The following OSER1 variants were observed in gnomAD, a reference collection of about 807,000 sequenced individuals.
The protein encoded by OSER1 is oxidative stress-responsive serine-rich protein 1.
Under a neutral mutation model 26.3 loss-of-function variants are expected in OSER1, and 15 were observed. The observed-to-expected ratio is 0.57, with a 90% confidence interval of 0.38 to 0.88. OSER1 has a LOEUF of 0.88. Among genes scored for constraint, OSER1 ranks in the 40% least tolerant of loss-of-function variants. OSER1 has a pLI of 0.00. For missense variants in OSER1, 313 were observed against 353.9 expected, an observed-to-expected ratio of 0.88 and a Z score of 0.93; for synonymous variants, 127 against 128.2, an observed-to-expected ratio of 0.99 and a Z score of 0.07.
chr20:44,197,286 A>G lies in OSER1; in HGVS notation c.645T>C (p.Tyr215=). Residue 215 remains tyrosine (Y), a synonymous_variant, in exon 4 of 4, where the codon TAT becomes TAC. Coordinates refer to ENST00000255174, the MANE Select transcript of OSER1 (RefSeq NM_016470.8). ...QCKRWHDMEV[Y]SFSGLQSVPP... ...GGACACTCTGCAGGCCTGAAAAGGA[A>G]TACACTTCCATATCATGCCATCTCT... The G allele has an allele frequency of 6.2e-7, 1 of 1,614,150 alleles. No individual in the cohort carries two copies. The highest frequency in any genetic ancestry group is 8.5e-7 in the Non-Finnish European group (1 of 1,179,960).
chr20:44,203,204 C>G, intron 2 of OSER1, 130 bp from the exon 3 acceptor site: 1 of 545,252 alleles, frequency 1.8e-6, no homozygotes, highest in East Asian at 3.0e-5. Flanking sequence ...AAAAATTGCT[C>G]AGCTTTTAAT....
At position 44,197,204 on chromosome 20, in the gene OSER1, C is replaced by T. The variant is rs750300001; in HGVS notation, c.727G>A (p.Ala243Thr). 2.4e-5 allele frequency: 39 copies of T among 1,614,090 alleles called. No homozygotes were observed. The South Asian group carries it at 3.4e-4, about 14-fold the overall frequency. Residue 243 changes from alanine to threonine, a missense_variant, in exon 4 of 4, where the codon GCC becomes ACC. Ala to Thr is a moderately conservative substitution (Grantham distance 58, BLOSUM62 0). Around this residue, in one of 2 missense-constraint regions of OSER1, gnomAD observed 300 missense variants for 318.3 expected, o/e 0.94. Coordinates refer to ENST00000255174, the MANE Select transcript of OSER1 (RefSeq NM_016470.8). ...TLEDYSQSLH[A>T]RTLSGSPRSC... ...CGGGGAGAGCCAGACAGAGTTCTGG[C>T]GTGCAGCGACTGAGAGTAGTCCTCA... is the stretch of plus-strand genomic sequence containing the variant.
At chr20:44,198,062 G>A (rs2072940388) in intron 3 of OSER1, among the ~76,000 whole-genome samples, 1 of 152,158 alleles carries the variant, frequency 6.6e-6, no homozygotes, top group Non-Finnish European at 1.5e-5. Context: ...TGGGTCTGAG[G>A]GAAGCACCTC....
intron 2 of OSER1, among the ~76,000 whole-genome samples, chr20:44,203,694 TCACACACACACA>T (rs139060435): frequency 1.8e-4 from 26 of 145,454 alleles, no homozygotes; most frequent in Admixed American, 1.1e-3. Flanking sequence ...CAGACTTTTT[TCACACACACACA>T]CACACACACA....
At chr20:44,206,692 T>A (rs2073041300) in intron 2 of OSER1, among the ~76,000 whole-genome samples, 189 bp downstream of exon 2, 1 of 152,228 alleles carries the variant, frequency 6.6e-6, no homozygotes, top group Non-Finnish European at 1.5e-5. Context: ...CTTTTCAAAT[T>A]TAACCAAAGG....
rs748114723 is a variant in OSER1 at position 44,197,634 on chromosome 20, C to T, written c.297G>A (p.Ala99=). ...PPKFIHCSTI[A]SSSSSQLKHK... ...GCTTGAGTTGACTGCTGGAAGAAGACGCTATTGTACTGCAATGTATAAACT... is the reference window on the plus strand; with the variant it reads ...GCTTGAGTTGACTGCTGGAAGAAGATGCTATTGTACTGCAATGTATAAACT... The change falls in exon 4 of 4, where the codon GCG becomes GCA. Residue 99 remains alanine, a synonymous_variant. Transcript: ENST00000255174. 65 of 1,613,924 alleles carry T rather than the reference C, an allele frequency of 4.0e-5. 1 individual carries two copies. The Middle Eastern group carries it at 5.0e-4, about 12-fold the overall frequency.
Position 44,202,979 on chromosome 20 carries a change from G to A in OSER1, c.173C>T (p.Ser58Phe), listed in dbSNP as rs199780305. 3 of 1,603,402 alleles carry A rather than the reference G, an allele frequency of 1.9e-6. No individual in the cohort carries two copies. Among genetic ancestry groups the A allele is most frequent in the Non-Finnish European group, 8.5e-7 (1 of 1,170,434 alleles). ...CTCTTACCCGTGCCAACTGTCTTTA[G>A]ATGCACATGTGGTTTTAGGTTTGGT... ...DDTKPKTTCA[S>F]KDSWHGSTRK... The change falls in exon 3 of 4, where the codon TCT becomes TTT. Residue 58 changes from serine to phenylalanine, a missense_variant. Physicochemically the swap from Ser to Phe is radical, Grantham distance 155. This residue lies in a region of OSER1 where 300 missense variants were observed against 318.3 expected (regional missense o/e 0.94). Transcript: ENST00000255174.
At chr20:44,208,633 G>C (rs1248072131) in intron 1 of OSER1, among the ~76,000 whole-genome samples, 1 of 152,144 alleles carries the variant, frequency 6.6e-6, no homozygotes, top group East Asian at 1.9e-4. Context: ...ATATACCTGG[G>C]GGGAGAGGTG....
rs975955223 is a variant in OSER1, at chr20:44,210,701, C to A, written c.-47G>T. 6.6e-6 allele frequency: 1 copy of A among 152,368 alleles called. No individual in the cohort carries two copies. Among genetic ancestry groups the A allele is most frequent in the African/African-American group, 2.4e-5 (1 of 41,468 alleles). The allele number at this position is 152,368 out of a possible 1,614,324, so 9.4% of individuals were successfully genotyped here. ...CGTCACGTCAGGGCACTTACCTCCTCGCAGCTGGGACGCTCCGGTGATGCG... is the reference window on the plus strand; with the variant it reads ...CGTCACGTCAGGGCACTTACCTCCTAGCAGCTGGGACGCTCCGGTGATGCG... On this transcript the variant is annotated 5_prime_UTR_variant, in exon 1 of 4. Transcript: ENST00000255174.
intron 2 of OSER1, 63 bp downstream of exon 2, chr20:44,206,817 GA>G (rs2073042550): frequency 2.8e-6 from 2 of 722,114 alleles, no homozygotes; most frequent in South Asian, 1.7e-5. Context: ...GCTTTTTAGG[GA>G]AAAGGGACTA....
Position 44,197,717 on chromosome 20 carries a change from C to T in OSER1, c.214G>A (p.Gly72Arg). The T allele has an allele frequency of 6.2e-7, 1 of 1,612,058 alleles. No homozygotes were observed. The highest frequency in any genetic ancestry group is 8.5e-7 in the Non-Finnish European group (1 of 1,178,352). The change falls in exon 4 of 4, where the codon GGA becomes AGA. Residue 72 changes from glycine to arginine, a missense_variant. Gly to Arg is a moderately radical substitution (Grantham distance 125). This residue lies in a region of OSER1 where 300 missense variants were observed against 318.3 expected (regional missense o/e 0.94). Coordinates refer to ENST00000255174, the MANE Select transcript of OSER1 (RefSeq NM_016470.8). ...CGACGACGCTGAGTTCTCACTGCTC[C>T]TCGTGAAGACTTCCTTGTAGACCTA... Reference protein sequence around the residue: ...WHGSTRKSSRGAVRTQRRRRS... With the variant: ...WHGSTRKSSRRAVRTQRRRRS...
At chr20:44,210,538 G>T (rs936950154) in intron 1 of OSER1, among the ~76,000 whole-genome samples, 158 bp downstream of exon 1, 1 of 152,196 alleles carries the variant, frequency 6.6e-6, no homozygotes, top group East Asian at 1.9e-4. Context: ...CGGCAGATAA[G>T]GGGGCGCGGA....
chr20:44,208,006 A>G (rs952683346), intron 1 of OSER1, among the ~76,000 whole-genome samples: 2 of 152,214 alleles, frequency 1.3e-5, no homozygotes, highest in Admixed American at 6.5e-5. Flanking sequence ...ATCTATGAAC[A>G]TATCAGAGAG....
At position 44,197,621 on chromosome 20, in the gene OSER1, T is replaced by G. The variant is rs1283094941; in HGVS notation, c.310A>C (p.Ser104Arg). The G allele has an allele frequency of 6.2e-7, 1 of 1,614,184 alleles. No individual in the cohort carries two copies. The highest frequency in any genetic ancestry group is 8.5e-7 in the Non-Finnish European group (1 of 1,180,000). Residue 104 changes from serine to arginine, a missense_variant, in exon 4 of 4, where the codon AGT becomes CGT. Around this residue, in one of 2 missense-constraint regions of OSER1, gnomAD observed 300 missense variants for 318.3 expected, o/e 0.94. Transcript: ENST00000255174. ...HCSTIASSSS[S>R]QLKHKSQTDS... ...GTCTGGCTTTTGTGCTTGAGTTGAC[T>G]GCTGGAAGAAGACGCTATTGTACTG...
chr20:44,202,044 T>G (rs1196914519), intron 3 of OSER1, among the ~76,000 whole-genome samples: 1 of 152,222 alleles, frequency 6.6e-6, no homozygotes, highest in Non-Finnish European at 1.5e-5. Context: ...ATGCTATTTA[T>G]ATGAAACACA....
chr20:44,206,101 A>G (rs1021137781), intron 2 of OSER1, among the ~76,000 whole-genome samples: 6 of 152,126 alleles, frequency 3.9e-5, no homozygotes, highest in African/African-American at 1.4e-4. Flanking sequence ...CCATGTCCTA[A>G]GGTGTAGTGA....
intron 2 of OSER1, among the ~76,000 whole-genome samples, chr20:44,204,844 T>C (rs1387319281): frequency 6.8e-6 from 1 of 148,138 alleles, no homozygotes; most frequent in Admixed American, 6.8e-5. Flanking sequence ...TAATTTTACT[T>C]TTTTTTTTTT....
rs187322793 is a variant in OSER1 at position 44,196,625 on chromosome 20, G to T, written c.*427C>A. ...ATCAGAGACGGTTTAAATCAGTCTT[G>T]TAACTTCTAATATTCTGGGCTGGCA... On this transcript the variant is annotated 3_prime_UTR_variant, in exon 4 of 4. Transcript: ENST00000255174. 1.4e-4 allele frequency: 24 copies of T among 166,330 alleles called. No individual in the cohort carries two copies. In the East Asian group the frequency reaches 3.8e-3, roughly 26 times the overall value. The allele number at this position is 166,330 out of a possible 1,614,324, so 10.3% of individuals were successfully genotyped here. A position where few individuals can be genotyped will look rare whatever the true frequency, so the allele number is the denominator to read the frequency against.
intron 1 of OSER1, among the ~76,000 whole-genome samples, chr20:44,208,137 A>C (rs1261657439): frequency 3.8e-4 from 38 of 100,450 alleles, no homozygotes; most frequent in Non-Finnish European, 1.3e-4. Context: ...CCTCTTGGGC[A>C]TTCTCAGAGG....
Sources: gnomAD v4.1 joint callset for allele counts (sites outside exome capture counted in the v4.1 genomes callset) on GRCh38, gnomAD v4.1.1 for gene constraint, gnomAD v4.1.1 regional missense constraint, MANE v1.5 for transcripts, NCBI Gene and HGNC (gene_info 2026-07-23, HGNC 2026-07-21) for gene names.